Variants in SLC44A3 observed in about 807,000 individuals in gnomAD.
SLC44A3 encodes the protein choline transporter-like protein 3.
A neutral mutation model predicts 75.4 loss-of-function variants in SLC44A3; 74 were observed. The ratio of observed to expected loss-of-function variants is 0.98; its 90% CI spans 0.81 to 1.19. The LOEUF (loss-of-function observed/expected upper bound fraction) is 1.19. Ranked by LOEUF, SLC44A3 falls within the 50% of genes most tolerant of loss-of-function variation. The pLI, the probability that SLC44A3 is intolerant of heterozygous loss-of-function variation, is 0.00. For missense variants in SLC44A3, 700 were observed against 778.6 expected (o/e 0.90, Z 1.20); for synonymous variants, 310 against 296.9 (o/e 1.04, Z -0.45).
chr1:94,844,021 C>T (rs1664063796), intron 8 of SLC44A3, among the ~76,000 whole-genome samples: 1 of 152,136 alleles, frequency 6.6e-6, no homozygotes, highest in Non-Finnish European at 1.5e-5. Flanking sequence ...GGAAACTGAA[C>T]CAGAGGTGAT....
At chr1:94,827,426 G>A (rs760265446) in intron 3 of SLC44A3, 81 bp from the exon 4 acceptor site, 23 of 1,549,392 alleles carry the variant, frequency 1.5e-5, no homozygotes, top group Non-Finnish European at 2.0e-5. Context: ...TTGATAGCAT[G>A]TGGATATTTT....
At chr1:94,864,563 C>T (rs1428078558) in intron 10 of SLC44A3, among the ~76,000 whole-genome samples, 180 bp from the exon 11 acceptor site, 1 of 151,990 alleles carries the variant, frequency 6.6e-6, no homozygotes, top group African/African-American at 2.4e-5. Flanking sequence ...GGCACCAAAA[C>T]GAATTAAATT....
chr1:94,820,673 G>A, intron 1 of SLC44A3, 195 bp downstream of exon 1: 2 of 1,381,704 alleles, frequency 1.4e-6, no homozygotes, highest in Non-Finnish European at 9.3e-7. Context: ...AGGCGGGGGA[G>A]ACGCGGGCCG....
At chr1:94,829,902 A>G (rs1661895918) in intron 5 of SLC44A3, among the ~76,000 whole-genome samples, 1 of 152,232 alleles carries the variant, frequency 6.6e-6, no homozygotes, top group African/African-American at 2.4e-5. Flanking sequence ...TTACATATAT[A>G]AAACAAAACT....
chr1:94,868,426 G>T (rs957075214), intron 12 of SLC44A3, among the ~76,000 whole-genome samples: 2 of 152,070 alleles, frequency 1.3e-5, no homozygotes, highest in Non-Finnish European at 2.9e-5. Context: ...TTATAGTAAG[G>T]TCTATTTTTA....
intron 12 of SLC44A3, among the ~76,000 whole-genome samples, chr1:94,889,881 G>A (rs190352930): frequency 8.6e-5 from 13 of 150,394 alleles, no homozygotes; most frequent in Non-Finnish European, 8.9e-5. Context: ...ATGGAGTTTC[G>A]CTCTTGTTGC....
Position 94,885,938 on chromosome 1 carries a change from A to G in SLC44A3, c.1483-5192A>G, listed in dbSNP as rs111655112. Among the ~76,000 whole-genome samples the G allele has an allele frequency of 6.0e-3, 916 of 152,338 alleles. 14 individuals carry two copies. Among genetic ancestry groups the G allele is most frequent in the African/African-American group, 0.021 (856 of 41,586 alleles). On this transcript the variant is annotated intron_variant, in intron 12 of 14. Coordinates refer to ENST00000271227, the MANE Select transcript of SLC44A3 (RefSeq NM_001114106.3). ...AGATGGAAATTAGAAAGTTGTAGCTATCATTAGGTCTGTGCCAAGGCATTT... is the reference window on the plus strand; with the variant it reads ...AGATGGAAATTAGAAAGTTGTAGCTGTCATTAGGTCTGTGCCAAGGCATTT...
At chr1:94,847,938 G>A (rs1449870801) in intron 9 of SLC44A3, among the ~76,000 whole-genome samples, 63 of 152,254 alleles carry the variant, frequency 4.1e-4, no homozygotes, top group Non-Finnish European at 1.5e-4. Flanking sequence ...ATAAAAATAG[G>A]CCTCTTTAGG....
At chr1:94,857,069 A>G (rs1665967407) in intron 9 of SLC44A3, among the ~76,000 whole-genome samples, 1 of 152,140 alleles carries the variant, frequency 6.6e-6, no homozygotes. Flanking sequence ...ACATCCACAA[A>G]GTGGGATGAG....
chr1:94,877,365 T>G (rs1263539831), intron 12 of SLC44A3, among the ~76,000 whole-genome samples: 1 of 152,146 alleles, frequency 6.6e-6, no homozygotes, highest in African/African-American at 2.4e-5. Context: ...CAGTGAGAAT[T>G]GAAGACTGGA....
At chr1:94,848,940 G>A (rs571126365) in intron 9 of SLC44A3, among the ~76,000 whole-genome samples, 50 of 152,222 alleles carry the variant, frequency 3.3e-4, no homozygotes, top group African/African-American at 9.4e-4. Flanking sequence ...AGAAGTCAAG[G>A]CAGCACAAGG....
chr1:94,843,955 G>C (rs979336169), intron 8 of SLC44A3, among the ~76,000 whole-genome samples: 1 of 152,100 alleles, frequency 6.6e-6, no homozygotes, highest in Admixed American at 6.5e-5. Flanking sequence ...GCTGAGACTT[G>C]AGCTGTGGCA....
chr1:94,894,815 CAG>C lies in SLC44A3; in HGVS notation c.1858_1859del, dbSNP rs772491472. ...TATTCTAACTTGTTCTTTTGTTTTTCAGAGTTTCGTAAAAAGGAGCAACAAAT... is the reference window on the plus strand; with the variant it reads ...TATTCTAACTTGTTCTTTTGTTTTTCAGTTTCGTAAAAAGGAGCAACAAAT... On this transcript the variant is annotated splice_acceptor_variant, in intron 14 of 14. Transcript: ENST00000271227. LOFTEE classifies it high-confidence loss of function. The C allele has an allele frequency of 9.3e-6, 15 of 1,607,146 alleles. No homozygotes were observed. Among genetic ancestry groups the C allele is most frequent in the South Asian group, 3.3e-5 (3 of 89,798 alleles).
Position 94,876,440 on chromosome 1 carries a change from G to A in SLC44A3, c.1482+9023G>A, listed in dbSNP as rs371366767. ...TGAAGTCCATGCTCTTGTAAGCAAG[G>A]CAGTGACTGTAGGCACGTTCCTCGG... On this transcript the variant is annotated intron_variant, in intron 12 of 14. Transcript: ENST00000271227. 1.2e-4 allele frequency among the ~76,000 whole-genome samples: 18 copies of A among 152,330 alleles called. 1 individual carries two copies. The highest frequency in any genetic ancestry group is 8.5e-4 in the Admixed American group (13 of 15,304).
At chr1:94,893,778 C>G (rs1670478227) in intron 14 of SLC44A3, among the ~76,000 whole-genome samples, 1 of 151,702 alleles carries the variant, frequency 6.6e-6, no homozygotes, top group African/African-American at 2.4e-5. Flanking sequence ...TCTCCATCCC[C>G]TGATTTACTT....
At chr1:94,847,840 C>T (rs778039923) in intron 9 of SLC44A3, among the ~76,000 whole-genome samples, 11 of 152,166 alleles carry the variant, frequency 7.2e-5, no homozygotes, top group Admixed American at 1.3e-4. Flanking sequence ...GGAGGCATGA[C>T]GTGCTGTGAC....
intron 12 of SLC44A3, among the ~76,000 whole-genome samples, chr1:94,868,305 C>G (rs1033551918): frequency 1.3e-5 from 2 of 152,094 alleles, no homozygotes; most frequent in Admixed American, 6.6e-5. Context: ...TTGCCCCCTC[C>G]CAAAGAAATG....
At position 94,863,562 on chromosome 1, in the gene SLC44A3, A is replaced by G. The variant is rs60668556; in HGVS notation, c.1239-1181A>G. Among the ~76,000 whole-genome samples, 625 of 152,128 alleles carry G rather than the reference A, an allele frequency of 4.1e-3. 28 individuals carry two copies. The East Asian group carries it at 0.092, about 22-fold the overall frequency. On this transcript the variant is annotated intron_variant, in intron 10 of 14. Coordinates refer to ENST00000271227, the MANE Select transcript of SLC44A3 (RefSeq NM_001114106.3). Reference sequence around the variant, plus strand: ...AAAAAAAAGAAAAATGAGGGAAGGGAAAAAAAAGTGTGTCAGATTTTCCTG... The same window carrying G: ...AAAAAAAAGAAAAATGAGGGAAGGGGAAAAAAAGTGTGTCAGATTTTCCTG...
intron 9 of SLC44A3, 23 bp downstream of exon 9, chr1:94,845,487 T>C (rs779811346): frequency 6.3e-7 from 1 of 1,593,734 alleles, no homozygotes; most frequent in South Asian, 1.1e-5. Flanking sequence ...GGGTGTGGGT[T>C]CCATCACCTT....
Sources: gnomAD v4.1 joint callset for allele counts (sites outside exome capture counted in the v4.1 genomes callset) on GRCh38, gnomAD v4.1.1 for gene constraint, MANE v1.5 for transcripts, NCBI Gene and HGNC (gene_info 2026-07-23, HGNC 2026-07-21) for gene names.